KLHL32: variants seen among roughly 807,000 people sequenced by gnomAD.
KLHL32 encodes kelch-like protein 32.
Under a neutral mutation model 64.8 loss-of-function variants are expected in KLHL32, and 35 were observed. That is an observed-to-expected ratio of 0.54 (90% CI 0.41 to 0.72). The LOEUF (loss-of-function observed/expected upper bound fraction) is 0.72, where lower values mean the gene tolerates loss of function less well. Ranked by LOEUF, KLHL32 falls within the 30% of genes least tolerant of loss-of-function variation. The pLI is 0.00. For missense variants in KLHL32, 589 were observed against 768.5 expected (o/e 0.77, Z 2.76); for synonymous variants, 259 against 281.0 (o/e 0.92, Z 0.78).
chr6:97,118,624 A>AAAAAAAC (rs1798055190), intron 7 of KLHL32, among the ~76,000 whole-genome samples: 1 of 143,960 alleles, frequency 6.9e-6, no homozygotes, highest in Non-Finnish European at 1.5e-5. Flanking sequence ...CATCTCAAAA[A>AAAAAAAC]AAAAAAAAAA....
chr6:97,102,962 A>AT (rs1005524842), intron 6 of KLHL32, among the ~76,000 whole-genome samples: 2 of 151,578 alleles, frequency 1.3e-5, no homozygotes, highest in African/African-American at 4.9e-5. Context: ...CTCAATAGTT[A>AT]TTTTTTCTGC....
At chr6:96,978,761 G>T (rs1271994829) in intron 3 of KLHL32, among the ~76,000 whole-genome samples, 2 of 152,098 alleles carry the variant, frequency 1.3e-5, no homozygotes, top group African/African-American at 4.8e-5. Context: ...ATTGCCACCA[G>T]CAGTGTATCA....
At chr6:96,907,751 T>A in the KLHL32 span, among the ~76,000 whole-genome samples, 1 of 152,200 alleles carries the variant, frequency 6.6e-6, no homozygotes, top group Non-Finnish European at 1.5e-5. Flanking sequence ...TCATTTTTGT[T>A]TTAACTGGTT....
At chr6:97,022,035 A>T (rs894263621) in intron 3 of KLHL32, among the ~76,000 whole-genome samples, 2 of 150,672 alleles carry the variant, frequency 1.3e-5, no homozygotes, top group African/African-American at 2.5e-5. Context: ...AACTACCATT[A>T]TGTTTTGCCT....
intron 5 of KLHL32, among the ~76,000 whole-genome samples, chr6:97,065,149 C>T (rs532084446): frequency 2.0e-5 from 3 of 152,208 alleles, no homozygotes; most frequent in East Asian, 3.9e-4. Context: ...ATCACAAAGT[C>T]CTATGTAATT....
At chr6:96,938,333 A>G (rs956042404) in intron 1 of KLHL32, among the ~76,000 whole-genome samples, 2 of 152,116 alleles carry the variant, frequency 1.3e-5, no homozygotes, top group Non-Finnish European at 2.9e-5. Flanking sequence ...CAGTTCCACT[A>G]GGTTCCCTAT....
chr6:97,074,614 A>C (rs994188960), intron 5 of KLHL32, among the ~76,000 whole-genome samples: 1 of 151,384 alleles, frequency 6.6e-6, no homozygotes, highest in Non-Finnish European at 1.5e-5. Context: ...AAAAAAAAAA[A>C]ACAAAAAAAC....
chr6:96,904,273 C>T, the KLHL32 span, among the ~76,000 whole-genome samples: 2 of 142,252 alleles, frequency 1.4e-5, no homozygotes, highest in Admixed American at 7.6e-5. Flanking sequence ...ACCCAGGAGG[C>T]GGAGGTTGCA....
intron 4 of KLHL32, among the ~76,000 whole-genome samples, chr6:97,052,445 G>C (rs1337803298): frequency 1.3e-5 from 2 of 152,248 alleles, no homozygotes; most frequent in Non-Finnish European, 2.9e-5. Flanking sequence ...AAAAGCCAAT[G>C]TATTCTGACA....
chr6:97,002,188 G>C (rs1010716635), intron 3 of KLHL32, among the ~76,000 whole-genome samples: 1 of 152,122 alleles, frequency 6.6e-6, no homozygotes, highest in Admixed American at 6.5e-5. Flanking sequence ...CAATGTTCCT[G>C]CTCAAAGACA....
chr6:96,954,235 A>G (rs1218060637), intron 1 of KLHL32, among the ~76,000 whole-genome samples: 1 of 151,756 alleles, frequency 6.6e-6, no homozygotes, highest in Non-Finnish European at 1.5e-5. Context: ...TTCTATTTTT[A>G]GACTTTAAAA....
intron 3 of KLHL32, among the ~76,000 whole-genome samples, chr6:97,028,028 G>C (rs750361409): frequency 1.3e-5 from 2 of 152,154 alleles, no homozygotes; most frequent in Admixed American, 6.5e-5. Flanking sequence ...TCCAGCAAGG[G>C]ACAGCCTGTC....
chr6:97,106,415 T>G (rs1436752425), intron 6 of KLHL32, among the ~76,000 whole-genome samples: 1 of 152,072 alleles, frequency 6.6e-6, no homozygotes, highest in Admixed American at 6.6e-5. Flanking sequence ...TGGGTCAAAT[T>G]TAGTTAACAA....
chr6:97,122,613 G>A (rs543013796), intron 7 of KLHL32, among the ~76,000 whole-genome samples: 8 of 152,208 alleles, frequency 5.3e-5, no homozygotes, highest in Admixed American at 2.0e-4. Flanking sequence ...AATTGTAAGC[G>A]TGAAGTTATA....
intron 3 of KLHL32, among the ~76,000 whole-genome samples, chr6:96,985,760 A>G (rs933552527): frequency 4.6e-5 from 7 of 152,036 alleles, no homozygotes; most frequent in Non-Finnish European, 8.8e-5. Flanking sequence ...TGGTTATTCT[A>G]GTTAGCCATT....
chr6:96,953,506 T>C (rs1160493692), intron 1 of KLHL32, among the ~76,000 whole-genome samples: 1 of 152,042 alleles, frequency 6.6e-6, no homozygotes, highest in Non-Finnish European at 1.5e-5. Flanking sequence ...GGCACATAAC[T>C]GTAATCCAAG....
intron 1 of KLHL32, among the ~76,000 whole-genome samples, chr6:96,965,645 G>C (rs759514417): frequency 6.6e-6 from 1 of 152,080 alleles, no homozygotes; most frequent in African/African-American, 2.4e-5. Flanking sequence ...TTTGTGTTAG[G>C]CTACAAAAGA....
intron 3 of KLHL32, among the ~76,000 whole-genome samples, chr6:96,997,246 G>A (rs1778508610): frequency 6.6e-6 from 1 of 152,218 alleles, no homozygotes; most frequent in South Asian, 2.1e-4. Flanking sequence ...TTTCCTTTCT[G>A]ATGTTTGTAC....
intron 10 of KLHL32, among the ~76,000 whole-genome samples, chr6:97,133,771 A>T (rs1342349760): frequency 2.0e-5 from 3 of 152,194 alleles, no homozygotes; most frequent in Admixed American, 6.5e-5. Flanking sequence ...AGATGAAGTT[A>T]AAAAAGTCAG....
Sources: allele counts gnomAD v4.1 joint callset (sites outside exome capture counted in the v4.1 genomes callset), GRCh38; gene constraint gnomAD v4.1.1; transcripts MANE v1.5; gene names NCBI Gene and HGNC (gene_info 2026-07-23, HGNC 2026-07-21).